PCDHA3: variants seen among roughly 807,000 people sequenced by gnomAD.
The protein encoded by PCDHA3 is protocadherin alpha-3.
Under a neutral mutation model 62.2 loss-of-function variants are expected in PCDHA3, and 41 were observed. The observed-to-expected ratio is 0.66, with a 90% CI of 0.51 to 0.86. The LOEUF (loss-of-function observed/expected upper bound fraction) is 0.86, where lower values mean the gene tolerates loss of function less well. PCDHA3 is among the 40% of genes least tolerant of loss of function. The pLI is 0.00. For synonymous variants in PCDHA3, 640 were observed against 555.4 expected (o/e 1.15, Z -2.14); for missense variants, 1,304 against 1,241.2 (o/e 1.05, Z -0.76).
In PCDHA3 at chr5:140,859,254, G is replaced by C. The variant is rs1005222858; in HGVS notation, c.2394+55663G>C. 16 of 131,816 alleles carry C rather than the reference G, an allele frequency of 1.2e-4. 1 individual carries two copies. The highest frequency in any genetic ancestry group is 4.3e-4 in the African/African-American group (16 of 37,090). 8.2% of individuals were successfully genotyped at this position (131,816 alleles called of 1,614,324 possible). A position where few individuals can be genotyped will look rare whatever the true frequency, so the allele number is the denominator to read the frequency against. ...AGTCATGCTTATGTTTAATAATGAA[G>C]AGAATTTGAACACTTTTTACTTTTG... is the stretch of plus-strand genomic sequence containing the variant. On this transcript the variant is annotated intron_variant, in intron 1 of 3. Transcript: ENST00000522353.
At chr5:140,863,510 T>C in intron 1 of PCDHA3, 1 of 411,624 alleles carries the variant, frequency 2.4e-6, no homozygotes, top group Non-Finnish European at 4.8e-6. Context: ...TTAGTCCTAG[T>C]GTTCTCCCAT....
chr5:140,974,553 C>G (rs1554236197), intron 1 of PCDHA3, among the ~76,000 whole-genome samples: 1 of 151,870 alleles, frequency 6.6e-6, no homozygotes, highest in African/African-American at 2.4e-5. Context: ...CTCTTGTTGC[C>G]CAGGCTGGAG....
chr5:140,835,835 G>A (rs2150246191), intron 1 of PCDHA3: 1 of 1,612,346 alleles, frequency 6.2e-7, no homozygotes, highest in Non-Finnish European at 8.5e-7. Context: ...ACGCGGACGC[G>A]CAGAAGAACG....
chr5:140,902,102 G>T (rs1407664200), intron 1 of PCDHA3, among the ~76,000 whole-genome samples: 1 of 151,098 alleles, frequency 6.6e-6, no homozygotes, highest in Non-Finnish European at 1.5e-5. Flanking sequence ...GGAGTCTTTA[G>T]ATTTTTTTAA....
At chr5:140,889,949 A>C (rs1444545834) in intron 1 of PCDHA3, among the ~76,000 whole-genome samples, 1 of 152,202 alleles carries the variant, frequency 6.6e-6, no homozygotes. Flanking sequence ...GAGAAGCCAA[A>C]TGGATAGAAA....
chr5:140,876,144 G>C (rs782301739), intron 1 of PCDHA3: 1 of 1,613,964 alleles, frequency 6.2e-7, no homozygotes, highest in South Asian at 1.1e-5. Context: ...AACTAACAGG[G>C]TCTGTCCAGA....
Position 140,951,753 on chromosome 5 carries a change from C to T in PCDHA3, c.2395-27196C>T, listed in dbSNP as rs140119406. ...ATTCTGCCACTGCCCTCACCCTCCGCGAAATCTCATGACGTTCTTACATTG... is the reference window on the plus strand; with the variant it reads ...ATTCTGCCACTGCCCTCACCCTCCGTGAAATCTCATGACGTTCTTACATTG... On this transcript the variant is annotated intron_variant, in intron 1 of 3. Transcript: ENST00000522353. Among the ~76,000 whole-genome samples the T allele has an allele frequency of 7.0e-3, 1,059 of 152,208 alleles. 11 individuals are homozygous for T. The highest frequency in any genetic ancestry group is 0.014 in the Admixed American group (209 of 15,290).
At chr5:140,866,639 A>G (rs782198143) in intron 1 of PCDHA3, 1 of 152,148 alleles carries the variant, frequency 6.6e-6, no homozygotes, top group Non-Finnish European at 1.5e-5. Flanking sequence ...CAACGGTGTC[A>G]AAATTTATTT....
intron 1 of PCDHA3, among the ~76,000 whole-genome samples, chr5:140,901,959 A>G (rs1163639408): frequency 6.6e-6 from 1 of 152,076 alleles, no homozygotes; most frequent in Admixed American, 6.6e-5. Flanking sequence ...ATTCGTGGCT[A>G]TCGTAAATGG....
chr5:140,860,800 C>G (rs1270356784), intron 1 of PCDHA3: 1 of 152,198 alleles, frequency 6.6e-6, no homozygotes, highest in East Asian at 1.9e-4. Flanking sequence ...TGCAGTGGCA[C>G]GATCTCGGCT....
At chr5:140,992,251 A>G (rs1554252780) in intron 3 of PCDHA3, among the ~76,000 whole-genome samples, 1 of 152,198 alleles carries the variant, frequency 6.6e-6, no homozygotes, top group Non-Finnish European at 1.5e-5. Flanking sequence ...AAGTAGAGCT[A>G]AAGATGAAAG....
At chr5:140,983,473 ATAG>A (rs746174585) in intron 3 of PCDHA3, among the ~76,000 whole-genome samples, 7 of 152,242 alleles carry the variant, frequency 4.6e-5, no homozygotes, top group Admixed American at 6.5e-5. Flanking sequence ...CATGATGATA[ATAG>A]TAGTTACTAA....
At chr5:140,870,257 C>A in intron 1 of PCDHA3, 2 of 1,614,172 alleles carry the variant, frequency 1.2e-6, no homozygotes, top group African/African-American at 1.3e-5. Flanking sequence ...GGACAGGTGA[C>A]CTGCTCGCTG....
chr5:140,841,337 C>G (rs1424910645), intron 1 of PCDHA3: 1 of 1,610,914 alleles, frequency 6.2e-7, no homozygotes, highest in Non-Finnish European at 8.5e-7. Context: ...TTATCACTGG[C>G]GAGGAGAGCT....
At position 140,928,998 on chromosome 5, in the gene PCDHA3, C is replaced by G. The variant is rs1448389331; in HGVS notation, c.2395-49951C>G. On this transcript the variant is annotated intron_variant, in intron 1 of 3. Coordinates refer to ENST00000522353, the MANE Select transcript of PCDHA3 (RefSeq NM_018906.3). The stretch of plus-strand genomic sequence containing the variant: ...TATTTCTGGGGTGCTTACTTTTCTT[C>G]GTGTGTACCAAGTTGCACCAGAGCC... The G allele has an allele frequency of 8.1e-6, 13 of 1,613,784 alleles. No individual in the cohort carries two copies. The Admixed American group carries it at 2.2e-4, about 27-fold the overall frequency.
intron 1 of PCDHA3, among the ~76,000 whole-genome samples, chr5:140,880,362 A>G (rs1005788716): frequency 4.6e-5 from 7 of 152,236 alleles, no homozygotes; most frequent in Non-Finnish European, 1.0e-4. Context: ...ATTTAGATGA[A>G]AACCATGAGA....
intron 1 of PCDHA3, among the ~76,000 whole-genome samples, chr5:140,932,490 A>G (rs1330943965): frequency 6.6e-6 from 1 of 151,852 alleles, no homozygotes; most frequent in South Asian, 2.1e-4. Context: ...CCTCTTTGCA[A>G]TGTCATTTGT....
At chr5:140,807,260 G>A (rs782426458) in intron 1 of PCDHA3, 2 of 1,614,130 alleles carry the variant, frequency 1.2e-6, no homozygotes. Context: ...CGCAGCCTGG[G>A]AGGCAGGGAA....
At chr5:140,969,152 T>C in intron 1 of PCDHA3, 1 of 1,614,002 alleles carries the variant, frequency 6.2e-7, no homozygotes, top group East Asian at 2.2e-5. Flanking sequence ...CTACAAGGCC[T>C]GTCTGACAGC....
Sources: gnomAD v4.1 joint callset for allele counts (sites outside exome capture counted in the v4.1 genomes callset) on GRCh38, gnomAD v4.1.1 for gene constraint, MANE v1.5 for transcripts, NCBI Gene and HGNC (gene_info 2026-07-23, HGNC 2026-07-21) for gene names.